Variants in WDPCP observed in about 807,000 individuals in gnomAD.
The protein encoded by WDPCP is WD repeat-containing and planar cell polarity effector protein fritz homolog.
WDPCP carries 71 observed loss-of-function variants against 93.1 expected under a neutral mutation model. The observed-to-expected ratio is 0.76, with a 90% confidence interval of 0.63 to 0.93. WDPCP has a LOEUF of 0.93. Among genes scored for constraint, WDPCP ranks in the 40% least tolerant of loss-of-function variants. The pLI is 0.00. For synonymous variants in WDPCP, 315 were observed against 315.0 expected, an observed-to-expected ratio of 1.00 and a Z score of 0.00; for missense variants, 844 against 887.4, an observed-to-expected ratio of 0.95 and a Z score of 0.62.
intron 2 of WDPCP, among the ~76,000 whole-genome samples, chr2:63,688,512 G>T (rs1668843731): frequency 1.2e-5 from 1 of 80,278 alleles, no homozygotes; most frequent in Non-Finnish European, 2.5e-5. Flanking sequence ...GTTATTGCGG[G>T]GTTGGGGAGA....
intron 14 of WDPCP, among the ~76,000 whole-genome samples, chr2:63,176,974 G>A (rs551867694): frequency 6.6e-6 from 1 of 152,162 alleles, no homozygotes; most frequent in Non-Finnish European, 1.5e-5. Context: ...TCTTTTGCAT[G>A]GGGATATCCA....
At chr2:63,657,888 C>A (rs1484162701) in intron 2 of WDPCP, among the ~76,000 whole-genome samples, 1 of 152,152 alleles carries the variant, frequency 6.6e-6, no homozygotes, top group South Asian at 2.1e-4. Flanking sequence ...CCCCTCACCA[C>A]CTACAACACC....
At chr2:63,454,752 A>G (rs1199826477) in intron 6 of WDPCP, among the ~76,000 whole-genome samples, 1 of 152,192 alleles carries the variant, frequency 6.6e-6, no homozygotes, top group East Asian at 1.9e-4. Flanking sequence ...TCTTCTCCAC[A>G]GCACATTATA....
At chr2:63,708,456 G>A (rs111609771) in intron 2 of WDPCP, among the ~76,000 whole-genome samples, 2,551 of 152,326 alleles carry the variant, frequency 0.017, 22 homozygotes, top group African/African-American at 0.018. Flanking sequence ...CTGATGTGCC[G>A]TTTGTTAAGC....
chr2:63,825,242 A>G (rs1671095067), intron 1 of WDPCP, among the ~76,000 whole-genome samples: 1 of 152,146 alleles, frequency 6.6e-6, no homozygotes, highest in South Asian at 2.1e-4. Context: ...AATACTGTGA[A>G]AAGGCCACTC....
chr2:63,355,169 A>G (rs531877989), intron 12 of WDPCP, among the ~76,000 whole-genome samples: 123 of 152,260 alleles, frequency 8.1e-4, no homozygotes, highest in Non-Finnish European at 1.1e-3. Context: ...AAAATGAAGG[A>G]AAAAAATGTT....
At chr2:63,143,027 T>C (rs1284181002) in intron 17 of WDPCP, among the ~76,000 whole-genome samples, 4 of 152,032 alleles carry the variant, frequency 2.6e-5, no homozygotes, top group Non-Finnish European at 1.5e-5. Flanking sequence ...CTTGGCTCAC[T>C]ACACTTTCTG....
chr2:63,141,524 GT>G (rs1671062098), intron 17 of WDPCP, among the ~76,000 whole-genome samples: 1 of 152,194 alleles, frequency 6.6e-6, no homozygotes, highest in Non-Finnish European at 1.5e-5. Context: ...GCTAGAGCTA[GT>G]AGTTGTTAAG....
chr2:63,776,617 T>G (rs915075646), intron 2 of WDPCP, among the ~76,000 whole-genome samples: 4 of 142,460 alleles, frequency 2.8e-5, no homozygotes, highest in African/African-American at 1.1e-4. Flanking sequence ...GATTGTGCCA[T>G]TACATTCCAG....
intron 3 of WDPCP, among the ~76,000 whole-genome samples, chr2:63,610,309 AAGGG>A (rs1709601101): frequency 3.3e-5 from 5 of 152,310 alleles, no homozygotes; most frequent in African/African-American, 4.8e-5. Context: ...CCTAAACCTT[AAGGG>A]AATATTGACC....
At chr2:63,361,833 G>T (rs965914331) in intron 12 of WDPCP, among the ~76,000 whole-genome samples, 1 of 152,160 alleles carries the variant, frequency 6.6e-6, no homozygotes, top group Non-Finnish European at 1.5e-5. Context: ...GAGGGGTGAG[G>T]CATCCAAGCT....
chr2:63,664,226 A>G (rs1217342434), intron 2 of WDPCP, among the ~76,000 whole-genome samples: 1 of 152,266 alleles, frequency 6.6e-6, no homozygotes, highest in Non-Finnish European at 1.5e-5. Context: ...TTCAAACAAT[A>G]GAAACCAATC....
chr2:63,542,339 A>C, intron 1 of WDPCP, among the ~76,000 whole-genome samples: 1 of 152,196 alleles, frequency 6.6e-6, no homozygotes, highest in Admixed American at 6.5e-5. Context: ...TATTCACAGA[A>C]CAAACACTGC....
intron 3 of WDPCP, among the ~76,000 whole-genome samples, chr2:63,621,622 C>G (rs1431961202): frequency 6.6e-6 from 1 of 152,122 alleles, no homozygotes; most frequent in African/African-American, 2.4e-5. Flanking sequence ...TCCAGGAGAA[C>G]TTCCCCAACG....
chr2:63,421,642 G>A (rs572138494), intron 9 of WDPCP, among the ~76,000 whole-genome samples: 5 of 152,196 alleles, frequency 3.3e-5, no homozygotes, highest in South Asian at 2.1e-4. Flanking sequence ...CCATAAACAC[G>A]GCATCCCTAA....
At chr2:63,135,341 T>C (rs1670541765) in intron 17 of WDPCP, among the ~76,000 whole-genome samples, 1 of 152,226 alleles carries the variant, frequency 6.6e-6, no homozygotes. Flanking sequence ...TCGTTATTTC[T>C]TTTATTTTGA....
intron 3 of WDPCP, among the ~76,000 whole-genome samples, chr2:63,601,205 G>T (rs1364945657): frequency 6.6e-6 from 1 of 152,230 alleles, no homozygotes; most frequent in African/African-American, 2.4e-5. Flanking sequence ...GGGAGTCATT[G>T]AAGAAGCACT....
chr2:63,751,936 C>G (rs1312441126), intron 2 of WDPCP: 5 of 664,102 alleles, frequency 7.5e-6, no homozygotes, highest in Non-Finnish European at 1.4e-5. Context: ...GCCACCATAT[C>G]CACCATGACC....
chr2:63,319,528 A>T (rs1686926199), intron 12 of WDPCP, among the ~76,000 whole-genome samples: 1 of 152,234 alleles, frequency 6.6e-6, no homozygotes, highest in South Asian at 2.1e-4. Flanking sequence ...TTACAAAGTT[A>T]TATTTATTGG....
Sources: gnomAD v4.1 joint callset for allele counts (sites outside exome capture counted in the v4.1 genomes callset) on GRCh38, gnomAD v4.1.1 for gene constraint, MANE v1.5 for transcripts, NCBI Gene and HGNC (gene_info 2026-07-23, HGNC 2026-07-21) for gene names.